ECE1: variants seen among roughly 807,000 people sequenced by gnomAD.
ECE1 encodes endothelin-converting enzyme 1.
In ECE1, 35 loss-of-function variants were observed where a neutral mutation model predicts 98.6. The ratio of observed to expected loss-of-function variants is 0.35; its 90% CI spans 0.27 to 0.47. The LOEUF is 0.47. Ranked by LOEUF, ECE1 falls within the 20% of genes least tolerant of loss-of-function variation. The pLI is 1.00. For missense variants in ECE1, 814 were observed against 1,025.3 expected (o/e 0.79, Z 2.81); for synonymous variants, 394 against 407.1 (o/e 0.97, Z 0.39).
At chr1:21,241,301 G>T (rs2098195909) in intron 10 of ECE1, among the ~76,000 whole-genome samples, 1 of 152,128 alleles carries the variant, frequency 6.6e-6, no homozygotes, top group Non-Finnish European at 1.5e-5. Flanking sequence ...CTCCCAAAGT[G>T]CTAGGATTAT....
At position 21,244,366 on chromosome 1, in the gene ECE1, G is replaced by C. The variant is rs188330793; in HGVS notation, c.1278+623C>G. ...CCGTACTGGGCTTAGAGCCTGGCAC[G>C]CGATGGCAGGAGTTCAATGAGTAAC... On this transcript the variant is annotated intron_variant, in intron 10 of 18. Transcript: ENST00000374893. Among the ~76,000 whole-genome samples the C allele has an allele frequency of 4.8e-3, 729 of 152,296 alleles. 5 individuals are homozygous for C. The highest frequency in any genetic ancestry group is 0.017 in the African/African-American group (693 of 41,558).
chr1:21,311,934 G>T (rs926860637), intron 1 of ECE1, among the ~76,000 whole-genome samples: 5 of 152,000 alleles, frequency 3.3e-5, no homozygotes, highest in Non-Finnish European at 7.4e-5. Context: ...GACCAGCCTG[G>T]CCAAATGGTG....
At chr1:21,300,846 A>G (rs1638467858) in intron 1 of ECE1, among the ~76,000 whole-genome samples, 1 of 152,160 alleles carries the variant, frequency 6.6e-6, no homozygotes, top group Admixed American at 6.5e-5. Flanking sequence ...TCACTAGCTG[A>G]TTGCTCAACA....
rs1324539782 is a variant in ECE1, at chr1:21,220,200, A to C, written c.2137-69T>G. ...CTCGGGCTGCCAGACTGCCCCCATT[A>C]TAACAGCAGGGGAGGCCAGGTGCGG... On this transcript the variant is annotated intron_variant, in intron 18 of 18. Transcript: ENST00000374893. This position sits in a 1 kb window ranked among gnomAD's most constrained non-coding sequence, Gnocchi z 5.0. 1 of 1,539,616 alleles carries C rather than the reference A, an allele frequency of 6.5e-7. No individual in the cohort carries two copies. The highest frequency in any genetic ancestry group is 1.4e-5 in the African/African-American group (1 of 73,282).
chr1:21,222,191 C>A, intron 17 of ECE1: 1 of 326,566 alleles, frequency 3.1e-6, no homozygotes, highest in Non-Finnish European at 5.9e-6. Flanking sequence ...CACACACATA[C>A]ACACAACTTT....
upstream of ECE1, among the ~76,000 whole-genome samples, chr1:21,295,183 T>C (rs1279228636): frequency 2.0e-5 from 3 of 152,180 alleles, no homozygotes; most frequent in Admixed American, 1.3e-4. Context: ...ACCTCCCTCA[T>C]AGGACTGTGG....
chr1:21,237,379 G>A (rs2098189709), intron 11 of ECE1, among the ~76,000 whole-genome samples: 1 of 152,176 alleles, frequency 6.6e-6, no homozygotes, highest in Non-Finnish European at 1.5e-5. Flanking sequence ...TCTAGAGAAG[G>A]GGAAGGCAGA....
intron 8 of ECE1, among the ~76,000 whole-genome samples, chr1:21,255,483 G>A (rs937604526): frequency 5.9e-5 from 9 of 152,226 alleles, no homozygotes; most frequent in African/African-American, 2.2e-4. Flanking sequence ...TGTACAGTGA[G>A]CCCATCTGCG....
intron 1 of ECE1, among the ~76,000 whole-genome samples, chr1:21,318,526 C>T (rs569925726): frequency 6.6e-6 from 1 of 152,058 alleles, no homozygotes; most frequent in Admixed American, 6.6e-5. Context: ...GACATTTCTC[C>T]GCTCTGGGCT....
At position 21,235,816 on chromosome 1, in the gene ECE1, A is replaced by G; in HGVS notation, c.1566+34T>C. ...TCGGCCCTTTTCTAAGGGGGCATTT[A>G]GGAACGCAAGGGGGCAGGGCAGCAG... On this transcript the variant is annotated intron_variant, in intron 13 of 18. Coordinates refer to ENST00000374893, the MANE Select transcript of ECE1 (RefSeq NM_001397.3). The surrounding 1 kb of genome is among the most constrained non-coding windows in gnomAD (Gnocchi z 4.2). 6.2e-7 allele frequency: 1 copy of G among 1,609,934 alleles called. No individual in the cohort carries two copies. Among genetic ancestry groups the G allele is most frequent in the Non-Finnish European group, 8.5e-7 (1 of 1,176,200 alleles).
chr1:21,277,975 A>T (rs1022428370), intron 3 of ECE1, among the ~76,000 whole-genome samples: 4 of 151,928 alleles, frequency 2.6e-5, no homozygotes, highest in Non-Finnish European at 5.9e-5. Context: ...TCCCCTCCCC[A>T]CCCCAGCGCA....
intron 4 of ECE1, among the ~76,000 whole-genome samples, chr1:21,265,591 T>C (rs992629818): frequency 6.6e-6 from 1 of 152,110 alleles, no homozygotes; most frequent in Non-Finnish European, 1.5e-5. Flanking sequence ...GAAAAAGGTC[T>C]CTAGGACTGT....
upstream of ECE1, among the ~76,000 whole-genome samples, chr1:21,294,757 A>G (rs1415423593): frequency 6.6e-6 from 1 of 151,962 alleles, no homozygotes; most frequent in African/African-American, 2.4e-5. This position sits in a 1 kb window ranked among gnomAD's most constrained non-coding sequence, Gnocchi z 4.2. Flanking sequence ...AAGGCGGGGG[A>G]TTGTTAAGTC....
chr1:21,341,309 T>C (rs1418755217), intron 1 of ECE1, among the ~76,000 whole-genome samples: 1 of 152,242 alleles, frequency 6.6e-6, no homozygotes, highest in Non-Finnish European at 1.5e-5. Flanking sequence ...CAGACAGACT[T>C]GTTTGGTGAG....
At chr1:21,277,786 G>A (rs1446394587) in intron 3 of ECE1, among the ~76,000 whole-genome samples, 1 of 152,218 alleles carries the variant, frequency 6.6e-6, no homozygotes, top group East Asian at 1.9e-4. Flanking sequence ...TATGCATTAA[G>A]CACCTGCTGA....
At position 21,327,590 on chromosome 1, in the gene ECE1, A is replaced by G. The variant is rs1418536744; in HGVS notation, c.3+17786T>C. On this transcript the variant is annotated intron_variant, in intron 1 of 18. Coordinates refer to the ECE1 transcript ENST00000415912. The surrounding 1 kb of genome is among the most constrained non-coding windows in gnomAD (Gnocchi z 4.6). ...TTGTTACACATTTTTGCCTTTTCTT[A>G]CTTTGAGGGCACAAATGGAGTCTTT... Among the ~76,000 whole-genome samples the G allele has an allele frequency of 6.6e-6, 1 of 152,134 alleles. No individual in the cohort carries two copies. Among genetic ancestry groups the G allele is most frequent in the East Asian group, 1.9e-4 (1 of 5,186 alleles).
chr1:21,278,332 C>T (rs1364256487), intron 3 of ECE1, among the ~76,000 whole-genome samples: 1 of 152,238 alleles, frequency 6.6e-6, no homozygotes, highest in Non-Finnish European at 1.5e-5. Context: ...AAACAGAGAA[C>T]CAGTCTCAGA....
At chr1:21,300,563 T>C (rs1278731018) in intron 1 of ECE1, among the ~76,000 whole-genome samples, 1 of 152,134 alleles carries the variant, frequency 6.6e-6, no homozygotes, top group African/African-American at 2.4e-5. Context: ...GCCTCCCAAG[T>C]AGCTGGGACC....
intron 3 of ECE1, among the ~76,000 whole-genome samples, chr1:21,276,165 A>G (rs886498343): frequency 1.3e-5 from 2 of 150,186 alleles, no homozygotes; most frequent in Admixed American, 1.4e-4. Flanking sequence ...AGCTAGGATT[A>G]CAGGCATCCA....
Sources: allele counts gnomAD v4.1 joint callset (sites outside exome capture counted in the v4.1 genomes callset), GRCh38; gene constraint gnomAD v4.1.1; non-coding constraint Gnocchi (gnomAD v3.1); transcripts MANE v1.5; gene names NCBI Gene and HGNC (gene_info 2026-07-23, HGNC 2026-07-21).